ELF1: variants seen among roughly 807,000 people sequenced by gnomAD.
ELF1 encodes ETS-related transcription factor Elf-1.
Under a neutral mutation model 59.9 loss-of-function variants are expected in ELF1, and 24 were observed. The observed-to-expected ratio is 0.40, with a 90% confidence interval of 0.29 to 0.56. ELF1 has a LOEUF of 0.56. ELF1 is among the 20% of genes least tolerant of loss of function. ELF1 has a pLI of 0.44. For missense variants in ELF1, 627 were observed against 742.2 expected (o/e 0.84, Z 1.80); for synonymous variants, 248 against 266.2 (o/e 0.93, Z 0.67).
chr13:41,042,578 G>A (rs886498238), intron 1 of ELF1, among the ~76,000 whole-genome samples: 112 of 152,048 alleles, frequency 7.4e-4, no homozygotes, highest in African/African-American at 2.3e-3. Context: ...TTGTCCTTGC[G>A]ATAGTTTGCT....
At chr13:40,987,815 C>G (rs1001627543) in intron 1 of ELF1, among the ~76,000 whole-genome samples, 3 of 152,078 alleles carry the variant, frequency 2.0e-5, no homozygotes, top group Non-Finnish European at 4.4e-5. Context: ...TACAGTAACT[C>G]TAGACACCAA....
chr13:40,992,439 TCTAA>T (rs1385974165), intron 1 of ELF1, among the ~76,000 whole-genome samples: 2 of 152,242 alleles, frequency 1.3e-5, no homozygotes, highest in East Asian at 3.8e-4. Flanking sequence ...AATGTTTATT[TCTAA>T]CTGTTTAAAA....
chr13:40,972,459 CA>C (rs1872617230), intron 2 of ELF1, among the ~76,000 whole-genome samples: 1 of 152,116 alleles, frequency 6.6e-6, no homozygotes, highest in South Asian at 2.1e-4. Context: ...GACAACAGAA[CA>C]AAACAAAACG....
At chr13:41,016,587 G>A (rs1426239089) in intron 1 of ELF1, among the ~76,000 whole-genome samples, 1 of 151,898 alleles carries the variant, frequency 6.6e-6, no homozygotes, top group African/African-American at 2.4e-5. Context: ...GTATAACAAG[G>A]TATCACATTA....
chr13:40,950,925 A>T (rs1432911024), intron 4 of ELF1, among the ~76,000 whole-genome samples: 1 of 152,240 alleles, frequency 6.6e-6, no homozygotes, highest in Admixed American at 6.5e-5. Context: ...TTTAAAGCAG[A>T]TCAATAATGT....
At chr13:40,965,546 G>A (rs1422304944) in intron 2 of ELF1, among the ~76,000 whole-genome samples, 1 of 151,924 alleles carries the variant, frequency 6.6e-6, no homozygotes, top group African/African-American at 2.4e-5. Flanking sequence ...GCTTGAATCT[G>A]GTAGGCAGAG....
intron 1 of ELF1, among the ~76,000 whole-genome samples, chr13:41,026,829 T>C (rs1875951229): frequency 6.6e-6 from 1 of 152,172 alleles, no homozygotes; most frequent in Non-Finnish European, 1.5e-5. Flanking sequence ...AAGGCACAAG[T>C]TACATGAAAT....
At chr13:40,988,541 G>A (rs1468377257) in intron 1 of ELF1, among the ~76,000 whole-genome samples, 3 of 152,008 alleles carry the variant, frequency 2.0e-5, no homozygotes, top group Non-Finnish European at 2.9e-5. Context: ...TTGATATTTG[G>A]GATAAATCAT....
chr13:41,041,472 A>G (rs1876606488), intron 1 of ELF1, among the ~76,000 whole-genome samples: 1 of 152,152 alleles, frequency 6.6e-6, no homozygotes, highest in Non-Finnish European at 1.5e-5. Context: ...GGAGCTGAGG[A>G]GACCAGCCTG....
At chr13:40,969,025 T>C (rs1214787009) in intron 2 of ELF1, among the ~76,000 whole-genome samples, 1 of 152,120 alleles carries the variant, frequency 6.6e-6, no homozygotes, top group African/African-American at 2.4e-5. Context: ...CAGGGACCTA[T>C]TCCTTATTAT....
At chr13:41,019,993 C>T (rs150720812), upstream of ELF1, among the ~76,000 whole-genome samples, 13 of 152,306 alleles carry the variant, frequency 8.5e-5, no homozygotes, top group African/African-American at 2.6e-4. Context: ...TGATAAAACC[C>T]TTTTAAAAAA....
chr13:41,022,969 G>T (rs1047776817), upstream of ELF1, among the ~76,000 whole-genome samples: 1 of 152,188 alleles, frequency 6.6e-6, no homozygotes, highest in East Asian at 1.9e-4. Context: ...GAGGAAGGAA[G>T]AAATAAATCT....
chr13:41,047,462 G>C (rs190820506), intron 1 of ELF1, among the ~76,000 whole-genome samples: 4 of 152,224 alleles, frequency 2.6e-5, no homozygotes, highest in African/African-American at 9.6e-5. Context: ...TTTTGGTGTG[G>C]ATGTCCTTTC....
chr13:41,019,879 T>C (rs1255454482), upstream of ELF1, among the ~76,000 whole-genome samples: 1 of 152,096 alleles, frequency 6.6e-6, no homozygotes, highest in African/African-American at 2.4e-5. Flanking sequence ...AGTGGAAAAA[T>C]AAGTGTGAAT....
At position 40,941,042 on chromosome 13, in the gene ELF1, G is replaced by A. The variant is rs1870129659; in HGVS notation, c.1135C>T (p.Pro379Ser). ...TGAACAGTCCGGAAGAGCTGGGTAG[G>A]ATATGGAGACTGCGTGGGCTGCACT... ...RTVQPTQSPY[P>S]TQLFRTVHVV... Residue 379 changes from proline (P) to serine (S), a missense_variant, in exon 8 of 9, where the codon CCT (proline) becomes TCT (serine). Physicochemically the swap from Pro to Ser is moderately conservative, Grantham distance 74. This residue lies in a region of ELF1 where 361 missense variants were observed against 396.1 expected (regional missense o/e 0.91). Coordinates refer to ENST00000239882, the MANE Select transcript of ELF1 (RefSeq NM_172373.4). 2 of 1,614,072 alleles carry A rather than the reference G, an allele frequency of 1.2e-6. No homozygotes were observed. Among genetic ancestry groups the A allele is most frequent in the African/African-American group, 1.3e-5 (1 of 74,934 alleles).
intron 1 of ELF1, among the ~76,000 whole-genome samples, chr13:40,998,711 A>T (rs1305915577): frequency 4.6e-5 from 7 of 152,204 alleles, no homozygotes; most frequent in African/African-American, 1.7e-4. Flanking sequence ...TTTCTCAATC[A>T]ATTTTTAAAT....
intron 1 of ELF1, among the ~76,000 whole-genome samples, chr13:41,010,292 A>C (rs1440172307): frequency 8.6e-5 from 13 of 151,596 alleles, no homozygotes; most frequent in South Asian, 2.1e-4. Context: ...AAAAAAAAAA[A>C]ACACAGAAAA....
intron 5 of ELF1, among the ~76,000 whole-genome samples, chr13:40,945,401 T>A (rs1308850010): frequency 5.9e-5 from 9 of 152,148 alleles, no homozygotes; most frequent in Non-Finnish European, 7.3e-5. Context: ...GATGTCTAAT[T>A]CTTCCAGCCT....
At chr13:40,960,893 T>C (rs1050824432) in intron 2 of ELF1, among the ~76,000 whole-genome samples, 41 of 152,322 alleles carry the variant, frequency 2.7e-4, no homozygotes, top group African/African-American at 9.6e-4. Flanking sequence ...TTCTTTGAGA[T>C]GGAGTCTTGC....
Sources: allele counts gnomAD v4.1 joint callset (sites outside exome capture counted in the v4.1 genomes callset), GRCh38; gene constraint gnomAD v4.1.1; regional missense constraint gnomAD v4.1.1; transcripts MANE v1.5; gene names NCBI Gene and HGNC (gene_info 2026-07-23, HGNC 2026-07-21).